Variants in DCAF6 observed in about 807,000 individuals in gnomAD.
The protein encoded by DCAF6 is DDB1 and CUL4 associated factor 6.
In DCAF6, 54 loss-of-function variants were observed where a neutral mutation model predicts 125.1. The observed-to-expected ratio is 0.43, with a 90% CI of 0.35 to 0.54. The LOEUF (loss-of-function observed/expected upper bound fraction) is 0.54. DCAF6 is among the 20% of genes least tolerant of loss of function. The pLI is 0.01. For synonymous variants in DCAF6, 371 were observed against 390.4 expected (o/e 0.95, Z 0.58); for missense variants, 934 against 1,161.7 (o/e 0.80, Z 2.85).
chr1:167,884,453 A>C, the DCAF6 span, among the ~76,000 whole-genome samples: 1 of 152,170 alleles, frequency 6.6e-6, no homozygotes, highest in African/African-American at 2.4e-5. Flanking sequence ...CCCCTCCACC[A>C]ACATTGGGGA....
chr1:168,075,088 C>T (rs1489750853), intron 21 of DCAF6, among the ~76,000 whole-genome samples: 2 of 152,178 alleles, frequency 1.3e-5, no homozygotes, highest in African/African-American at 2.4e-5. Flanking sequence ...CCTTAGAAAC[C>T]TAGACTCCAA....
At chr1:167,938,156 C>T (rs573483065) in intron 1 of DCAF6, among the ~76,000 whole-genome samples, 14 of 152,298 alleles carry the variant, frequency 9.2e-5, no homozygotes, top group African/African-American at 3.4e-4. Flanking sequence ...CATTCAATTT[C>T]ACTCCGCCAC....
At chr1:167,920,033 G>A in the DCAF6 span, 1 of 1,613,358 alleles carries the variant, frequency 6.2e-7, no homozygotes, top group Non-Finnish European at 8.5e-7. Context: ...GAAATTAACA[G>A]CAAACAGACT....
chr1:168,061,785 C>T (rs1216074371), intron 17 of DCAF6, among the ~76,000 whole-genome samples: 1 of 152,096 alleles, frequency 6.6e-6, no homozygotes, highest in Admixed American at 6.5e-5. Flanking sequence ...GAACTTTACA[C>T]TATGGGTGGG....
At chr1:167,989,417 G>A (rs764153679) in intron 5 of DCAF6, among the ~76,000 whole-genome samples, 3 of 152,154 alleles carry the variant, frequency 2.0e-5, no homozygotes, top group Admixed American at 6.5e-5. Flanking sequence ...TTTCCTTTAT[G>A]TATAAAAGTG....
At position 168,022,988 on chromosome 1, in the gene DCAF6, A is replaced by G. The variant is rs768733297; in HGVS notation, c.1550A>G (p.Asp517Gly). 41 of 1,613,872 alleles carry G rather than the reference A, an allele frequency of 2.5e-5. No homozygotes were observed. In the South Asian group the frequency reaches 4.3e-4, roughly 17 times the overall value. Reference sequence around the variant, plus strand: ...AGTTGAAATCTCATTTTTGTTTCAGATTCTCCTTCTTCTGTGGTTAACAAA... The same window carrying G: ...AGTTGAAATCTCATTTTTGTTTCAGGTTCTCCTTCTTCTGTGGTTAACAAA... The part of the protein sequence containing the change: ...EGSSQDPHAS[D>G]SPSSVVNKQL... Residue 517 changes from aspartate to glycine, a missense_variant and splice_region_variant, in exon 12 of 22, where the codon GAT becomes GGT. Asp to Gly is a moderately conservative substitution (Grantham distance 94). This residue lies in a region of DCAF6 where 559 missense variants were observed against 635.5 expected (regional missense o/e 0.88). Coordinates refer to ENST00000367840, the MANE Select transcript of DCAF6 (RefSeq NM_001198956.2).
chr1:167,904,657 G>A, the DCAF6 span: 2 of 587,302 alleles, frequency 3.4e-6, no homozygotes, highest in Admixed American at 3.0e-5. Context: ...CATCTAGGGA[G>A]ATCATTTCCT....
chr1:167,910,066 G>A, the DCAF6 span, among the ~76,000 whole-genome samples: 7 of 152,164 alleles, frequency 4.6e-5, no homozygotes, highest in African/African-American at 9.7e-5. Context: ...GCCAGGAACT[G>A]TTTCTTTGGG....
At chr1:168,072,845 T>A (rs1448547658) in intron 21 of DCAF6, among the ~76,000 whole-genome samples, 1 of 152,186 alleles carries the variant, frequency 6.6e-6, no homozygotes, top group African/African-American at 2.4e-5. Context: ...AAACTCAGTG[T>A]CTCTTCATAT....
Position 168,023,138 on chromosome 1 carries a change from C to T in DCAF6, c.1609+91C>T, listed in dbSNP as rs1282471140. 4 of 1,283,484 alleles carry T rather than the reference C, an allele frequency of 3.1e-6. No individual in the cohort carries two copies. The African/African-American group carries it at 5.8e-5, about 19-fold the overall frequency. The allele number at this position is 1,283,484 out of a possible 1,614,324, so 79.5% of individuals were successfully genotyped here. On this transcript the variant is annotated intron_variant, in intron 12 of 21. Transcript: ENST00000367840. ...CTCTCTCACACCTTTCGTAGCATTT[C>T]ATTTTGATTATGGTCTTATAGTCAG...
Position 168,045,084 on chromosome 1 carries a change from G to A in DCAF6, c.2115G>A (p.Glu705=), listed in dbSNP as rs369504346. Residue 705 remains glutamate, a synonymous_variant, in exon 16 of 22, where the codon GAG becomes GAA. Coordinates refer to ENST00000367840, the MANE Select transcript of DCAF6 (RefSeq NM_001198956.2). ...CCAATGAAAATAACACCAATCCTGA[G>A]CCTCAGTTCCAAACAGAAGCCACTG... The part of the protein sequence containing the change: ...SATNENNTNP[E]PQFQTEATGP... 95 of 1,613,850 alleles carry A rather than the reference G, an allele frequency of 5.9e-5. No individual in the cohort carries two copies. Among genetic ancestry groups the A allele is most frequent in the Non-Finnish European group, 7.1e-5 (84 of 1,179,948 alleles).
chr1:168,041,160 C>G (rs915861341), intron 13 of DCAF6, among the ~76,000 whole-genome samples: 1 of 152,036 alleles, frequency 6.6e-6, no homozygotes, highest in Non-Finnish European at 1.5e-5. Flanking sequence ...GTACGTAGCA[C>G]TTACTAGCAC....
At chr1:167,984,821 G>T (rs1295453444) in intron 4 of DCAF6, among the ~76,000 whole-genome samples, 1 of 152,046 alleles carries the variant, frequency 6.6e-6, no homozygotes. Context: ...ATTGAAGTTT[G>T]GTAAATTAAA....
chr1:168,041,955 C>G (rs1205326302), intron 13 of DCAF6, among the ~76,000 whole-genome samples: 2 of 149,770 alleles, frequency 1.3e-5, no homozygotes, highest in East Asian at 3.9e-4. Context: ...AAAAAATTTA[C>G]CTGCAGTAAT....
chr1:167,962,362 C>T (rs75576994), intron 2 of DCAF6, among the ~76,000 whole-genome samples: 2,725 of 151,660 alleles, frequency 0.018, 75 homozygotes, highest in African/African-American at 0.063. Context: ...TCACATATTT[C>T]GATGCTCTGT....
intron 10 of DCAF6, among the ~76,000 whole-genome samples, chr1:168,011,834 G>A (rs12088982): frequency 0.017 from 2,513 of 152,152 alleles, 66 homozygotes; most frequent in African/African-American, 0.055. Flanking sequence ...TTTGTTGTGC[G>A]TGGTGGCATG....
intron 5 of DCAF6, among the ~76,000 whole-genome samples, chr1:167,989,993 A>G (rs1025128744): frequency 7.9e-5 from 12 of 152,188 alleles, no homozygotes; most frequent in Non-Finnish European, 1.8e-4. Context: ...CTACAGAGAT[A>G]AGTAATAACA....
intron 16 of DCAF6, among the ~76,000 whole-genome samples, chr1:168,050,015 T>C (rs1324648560): frequency 6.6e-6 from 1 of 151,354 alleles, no homozygotes; most frequent in Non-Finnish European, 1.5e-5. Context: ...GACGGCCTGA[T>C]TGGTAGCTCT....
intron 4 of DCAF6, among the ~76,000 whole-genome samples, chr1:167,986,346 A>G (rs1680005990): frequency 6.6e-6 from 1 of 152,232 alleles, no homozygotes; most frequent in African/African-American, 2.4e-5. Flanking sequence ...CCACATCCTC[A>G]TCAACACTTG....
Sources: gnomAD v4.1 joint callset for allele counts (sites outside exome capture counted in the v4.1 genomes callset) on GRCh38, gnomAD v4.1.1 for gene constraint, gnomAD v4.1.1 regional missense constraint, MANE v1.5 for transcripts, NCBI Gene and HGNC (gene_info 2026-07-23, HGNC 2026-07-21) for gene names.